ANKRD12: variants seen among roughly 807,000 people sequenced by gnomAD.
ANKRD12 encodes ankyrin repeat domain 12, also known as ankyrin repeat domain-containing protein 12.
ANKRD12 carries 85 observed loss-of-function variants against 183.4 expected under a neutral mutation model. The ratio of observed to expected loss-of-function variants is 0.46; its 90% confidence interval spans 0.39 to 0.56. The LOEUF is 0.56. Among genes scored for constraint, ANKRD12 ranks in the 20% least tolerant of loss-of-function variants. The pLI, the probability that ANKRD12 is intolerant of heterozygous loss-of-function variation, is 0.00. For synonymous variants in ANKRD12, 914 were observed against 800.2 expected (o/e 1.14, Z -2.40); for missense variants, 2,405 against 2,357.1 (o/e 1.02, Z -0.42).
At chr18:9,143,667 G>A (rs1270011419) in intron 1 of ANKRD12, among the ~76,000 whole-genome samples, 1 of 152,088 alleles carries the variant, frequency 6.6e-6, no homozygotes, top group African/African-American at 2.4e-5. Flanking sequence ...TCACTATGTT[G>A]GCTAAGCTGG....
At position 9,257,195 on chromosome 18, in the gene ANKRD12, T is replaced by G; in HGVS notation, c.3928T>G (p.Cys1310Gly). Reference sequence around the variant, plus strand: ...GAGACCTACCATAGAAGTTCGAAGATGTAGCATGCCTTCTGTCATTTGTGA... The same window carrying G: ...GAGACCTACCATAGAAGTTCGAAGAGGTAGCATGCCTTCTGTCATTTGTGA... The part of the protein sequence containing the change: ...EGRPTIEVRR[C>G]SMPSVICEHT... Residue 1310 changes from cysteine to glycine, a missense_variant, in exon 9 of 13, where the codon TGT becomes GGT. Cys to Gly is a radical substitution (Grantham distance 159). This residue lies in a region of ANKRD12 where 1,983 missense variants were observed against 1,725.9 expected (regional missense o/e 1.15). Coordinates refer to ENST00000262126, the MANE Select transcript of ANKRD12 (RefSeq NM_015208.5). The G allele has an allele frequency of 6.2e-7, 1 of 1,614,130 alleles. No individual in the cohort carries two copies. The highest frequency in any genetic ancestry group is 8.5e-7 in the Non-Finnish European group (1 of 1,179,990).
chr18:9,280,643 G>C (rs937017970), intron 12 of ANKRD12, among the ~76,000 whole-genome samples: 1 of 152,120 alleles, frequency 6.6e-6, no homozygotes, highest in Non-Finnish European at 1.5e-5. Flanking sequence ...ACAAAAATTA[G>C]CTGGGCGTGG....
chr18:9,169,780 G>A (rs548380995), intron 1 of ANKRD12, among the ~76,000 whole-genome samples: 7 of 152,174 alleles, frequency 4.6e-5, no homozygotes, highest in South Asian at 4.2e-4. Flanking sequence ...TATTTTGCTC[G>A]TTAGTTGATG....
intron 10 of ANKRD12, among the ~76,000 whole-genome samples, chr18:9,272,001 C>T (rs993750107): frequency 3.9e-5 from 6 of 152,150 alleles, no homozygotes; most frequent in Non-Finnish European, 7.3e-5. Flanking sequence ...ACTAAATGAA[C>T]AAAGTTTACA....
intron 1 of ANKRD12, among the ~76,000 whole-genome samples, chr18:9,146,420 C>T (rs982892463): frequency 5.9e-5 from 9 of 152,148 alleles, no homozygotes; most frequent in South Asian, 2.1e-4. Flanking sequence ...CAGTGGCACA[C>T]ACCTGCAATC....
intron 2 of ANKRD12, among the ~76,000 whole-genome samples, chr18:9,189,569 C>T (rs2034321709): frequency 6.6e-6 from 1 of 152,244 alleles, no homozygotes; most frequent in Non-Finnish European, 1.5e-5. Flanking sequence ...GACAGGCTCA[C>T]TGTCTTGTTA....
intron 1 of ANKRD12, among the ~76,000 whole-genome samples, chr18:9,148,363 C>T (rs1340981565): frequency 6.6e-6 from 1 of 151,908 alleles, no homozygotes; most frequent in Non-Finnish European, 1.5e-5. Context: ...ATACCCTAGG[C>T]AAATAGATAA....
chr18:9,258,708 C>G lies in ANKRD12; in HGVS notation c.5441C>G (p.Ala1814Gly). The change falls in exon 9 of 13, where the codon GCA becomes GGA. Residue 1814 changes from alanine to glycine, a missense_variant. Coordinates refer to ENST00000262126, the MANE Select transcript of ANKRD12 (RefSeq NM_015208.5). ...QAKEKTQQSLAAIVDSLKLDE... is the reference protein window; with the variant it reads ...QAKEKTQQSLGAIVDSLKLDE... Reference sequence around the variant, plus strand: ...AAAGAGAAAACTCAGCAATCTCTGGCAGCCATTGTAGATTCTCTAAAACTA... The same window carrying G: ...AAAGAGAAAACTCAGCAATCTCTGGGAGCCATTGTAGATTCTCTAAAACTA... 6.2e-7 allele frequency: 1 copy of G among 1,613,836 alleles called. No individual in the cohort carries two copies. The highest frequency in any genetic ancestry group is 8.5e-7 in the Non-Finnish European group (1 of 1,179,902).
chr18:9,256,836 C>G lies in ANKRD12; in HGVS notation c.3569C>G (p.Pro1190Arg), dbSNP rs2038660654. 1 of 1,613,772 alleles carries G rather than the reference C, an allele frequency of 6.2e-7. No homozygotes were observed. Among genetic ancestry groups the G allele is most frequent in the Non-Finnish European group, 8.5e-7 (1 of 1,179,916 alleles). Residue 1190 changes from proline to arginine, a missense_variant, in exon 9 of 13, where the codon CCT (proline) becomes CGT (arginine). Coordinates refer to ENST00000262126, the MANE Select transcript of ANKRD12 (RefSeq NM_015208.5). ...FVSDNSLNRS[P>R]RSENEKPGLS... ...TCAGATAATAGCTTAAACAGGTCTC[C>G]TAGATCAGAAAATGAAAAGCCGGGT...
At chr18:9,216,174 T>TA (rs989112913) in intron 6 of ANKRD12, among the ~76,000 whole-genome samples, 7 of 152,046 alleles carry the variant, frequency 4.6e-5, no homozygotes, top group South Asian at 2.1e-4. Flanking sequence ...TTTGTGAAGT[T>TA]ACACCAAATA....
chr18:9,157,292 G>A (rs1159355961), intron 1 of ANKRD12, among the ~76,000 whole-genome samples: 1 of 152,062 alleles, frequency 6.6e-6, no homozygotes, highest in African/African-American at 2.4e-5. Flanking sequence ...TTATAATAAA[G>A]TGTTGATCAT....
rs530675728 is a variant in ANKRD12 at position 9,170,208 on chromosome 18, G to A, written c.-51-12174G>A. ...TATGTGTCTTGGAGTTGCTCTTCTCGAGGAGTATCTTTGTGGCATTCTCTG... is the reference window on the plus strand; with the variant it reads ...TATGTGTCTTGGAGTTGCTCTTCTCAAGGAGTATCTTTGTGGCATTCTCTG... On this transcript the variant is annotated intron_variant, in intron 1 of 12. Transcript: ENST00000262126. Among the ~76,000 whole-genome samples the A allele has an allele frequency of 2.7e-3, 414 of 152,178 alleles. 2 individuals are homozygous for A. Among genetic ancestry groups the A allele is most frequent in the Middle Eastern group, 0.024 (7 of 294 alleles).
chr18:9,226,680 A>T (rs1321185092), intron 8 of ANKRD12, among the ~76,000 whole-genome samples: 1 of 149,320 alleles, frequency 6.7e-6, no homozygotes, highest in Non-Finnish European at 1.5e-5. Flanking sequence ...ATCCAGCAGC[A>T]CCTAGACTGT....
chr18:9,231,127 CTG>C (rs1359486033), intron 8 of ANKRD12, among the ~76,000 whole-genome samples: 1 of 152,140 alleles, frequency 6.6e-6, no homozygotes, highest in Non-Finnish European at 1.5e-5. Flanking sequence ...GTGGAATACA[CTG>C]TGATTTCAAG....
Position 9,226,285 on chromosome 18 carries a change from C to T in ANKRD12, c.943+4286C>T, listed in dbSNP as rs1011364473. On this transcript the variant is annotated intron_variant, in intron 8 of 12. Coordinates refer to ENST00000262126, the MANE Select transcript of ANKRD12 (RefSeq NM_015208.5). ...TTAAAGGTACAAAAACTTAGCTGGG[C>T]GTGGTGGTGCGTGCCTGTAGTCCCA... 2.6e-5 allele frequency among the ~76,000 whole-genome samples: 4 copies of T among 151,944 alleles called. No homozygotes were observed. The East Asian group carries it at 5.8e-4, about 22-fold the overall frequency.
At chr18:9,240,918 A>G (rs1010223419) in intron 8 of ANKRD12, among the ~76,000 whole-genome samples, 2 of 152,184 alleles carry the variant, frequency 1.3e-5, no homozygotes, top group African/African-American at 4.8e-5. Flanking sequence ...AAATTGTACT[A>G]TTATAAATAT....
Position 9,283,238 on chromosome 18 carries a change from G to C in ANKRD12, c.*2112G>C, listed in dbSNP as rs2040163175. On this transcript the variant is annotated 3_prime_UTR_variant, in exon 13 of 13. Transcript: ENST00000262126. ...GGTTCAACCAGAGGTCTGGGAAATA[G>C]CACTGTTGGCCCAAACAGAACAGGC... The C allele has an allele frequency of 6.6e-6, 1 of 152,174 alleles. No individual in the cohort carries two copies. Among genetic ancestry groups the C allele is most frequent in the Non-Finnish European group, 1.5e-5 (1 of 68,028 alleles). 9.4% of individuals were successfully genotyped at this position (152,174 alleles called of 1,614,324 possible).
intron 9 of ANKRD12, among the ~76,000 whole-genome samples, chr18:9,261,074 G>T (rs752033551): frequency 2.6e-5 from 4 of 151,844 alleles, no homozygotes; most frequent in Non-Finnish European, 5.9e-5. Context: ...AGTATTTTTC[G>T]AACCCATTTC....
chr18:9,165,675 CAT>C (rs112459765), intron 1 of ANKRD12, among the ~76,000 whole-genome samples: 15 of 152,012 alleles, frequency 9.9e-5, no homozygotes, highest in African/African-American at 1.9e-4. Flanking sequence ...CTGTACATGA[CAT>C]GTGTCAGAAT....
Sources: allele counts gnomAD v4.1 joint callset (sites outside exome capture counted in the v4.1 genomes callset), GRCh38; gene constraint gnomAD v4.1.1; regional missense constraint gnomAD v4.1.1; transcripts MANE v1.5; gene names NCBI Gene and HGNC (gene_info 2026-07-23, HGNC 2026-07-21).